The following TBX2 variants were observed in gnomAD, a reference collection of about 807,000 sequenced individuals.
TBX2 encodes the protein T-box transcription factor 2.
A neutral mutation model predicts 48.4 loss-of-function variants in TBX2; 19 were observed. The ratio of observed to expected loss-of-function variants is 0.39; its 90% CI spans 0.27 to 0.58. The LOEUF (loss-of-function observed/expected upper bound fraction) is 0.58, where lower values mean the gene tolerates loss of function less well. Among genes scored for constraint, TBX2 ranks in the 20% least tolerant of loss-of-function variants. TBX2 has a pLI of 0.54. For missense variants in TBX2, 994 were observed against 1,006.5 expected (o/e 0.99, Z 0.17); for synonymous variants, 522 against 459.7 (o/e 1.14, Z -1.73).
rs574923056 is a variant in TBX2, at chr17:61,403,635, G to C, written c.810+428G>C. On this transcript the variant is annotated intron_variant, in intron 3 of 6. Transcript: ENST00000240328. The surrounding 1 kb of genome is among the most constrained non-coding windows in gnomAD (Gnocchi z 5.8). Reference sequence around the variant, plus strand: ...GGCCCAGTTTTCACTCTCTCGGGGGGAGCCAGAGGGTGGGACAGGTGACAC... The same window carrying C: ...GGCCCAGTTTTCACTCTCTCGGGGGCAGCCAGAGGGTGGGACAGGTGACAC... Among the ~76,000 whole-genome samples the C allele has an allele frequency of 8.2e-6, 1 of 121,756 alleles. No individual in the cohort carries two copies. Among genetic ancestry groups the C allele is most frequent in the Non-Finnish European group, 1.8e-5 (1 of 54,636 alleles). 79.9% of individuals were successfully genotyped at this position (121,756 alleles called of 152,430 possible).
rs1040658313 is a variant in TBX2 at position 61,409,411 on chromosome 17, G to A, written c.*905G>A. On this transcript the variant is annotated 3_prime_UTR_variant, in exon 7 of 7. Coordinates refer to ENST00000240328, the MANE Select transcript of TBX2 (RefSeq NM_005994.4). Reference sequence around the variant, plus strand: ...ACCTCAGGTTTTCACTTTTCGCTCCGGAGCGAGAACGAAACGACAAAAACG... The same window carrying A: ...ACCTCAGGTTTTCACTTTTCGCTCCAGAGCGAGAACGAAACGACAAAAACG... 2.0e-5 allele frequency: 3 copies of A among 152,284 alleles called. No homozygotes were observed. The highest frequency in any genetic ancestry group is 6.5e-5 in the Admixed American group (1 of 15,304). The allele number at this position is 152,284 out of a possible 1,614,324, so 9.4% of individuals were successfully genotyped here. A position where few individuals can be genotyped will look rare whatever the true frequency, so the allele number is the denominator to read the frequency against.
At chr17:61,402,965 A>AGGGAGG in intron 2 of TBX2, 96 bp from the exon 3 acceptor site, 1 of 186,622 alleles carries the variant, frequency 5.4e-6, no homozygotes, top group South Asian at 6.5e-5. Context: ...AGAGAGAGAG[A>AGGGAGG]GAGAGAAAGT....
chr17:61,404,841 G>A (rs2060280999), intron 5 of TBX2, 72 bp downstream of exon 5: 1 of 1,523,546 alleles, frequency 6.6e-7, no homozygotes, highest in African/African-American at 1.4e-5. Flanking sequence ...CTGGTCTTTT[G>A]CTGAGCCACC....
At chr17:61,404,127 G>T (rs1225853253) in intron 3 of TBX2, among the ~76,000 whole-genome samples, 1 of 152,170 alleles carries the variant, frequency 6.6e-6, no homozygotes, top group East Asian at 1.9e-4. Flanking sequence ...GCGGGCGGGT[G>T]TGCATGCTTG....
At position 61,405,442 on chromosome 17, in the gene TBX2, G is replaced by A. The variant is rs2060284665; in HGVS notation, c.1292G>A (p.Arg431Lys). 1 of 1,566,524 alleles carries A rather than the reference G, an allele frequency of 6.4e-7. No individual in the cohort carries two copies. Among genetic ancestry groups the A allele is most frequent in the Non-Finnish European group, 8.6e-7 (1 of 1,159,988 alleles). Residue 431 changes from arginine (R) to lysine (K), a missense_variant, in exon 6 of 7, where the codon AGG becomes AAG. By Grantham distance (26) the Arg-to-Lys change is conservative (BLOSUM62 2). This residue lies in a region of TBX2 where 639 missense variants were observed against 613.2 expected (regional missense o/e 1.04). Transcript: ENST00000240328. ...SLEKERAEARRKDEGRKEAAE... is the reference protein window; with the variant it reads ...SLEKERAEARKKDEGRKEAAE... The stretch of plus-strand genomic sequence containing the variant: ...GAGAAGGAGCGCGCCGAAGCTCGGA[G>A]GAAGGACGAGGGGCGCAAGGAGGCG...
At position 61,405,114 on chromosome 17, in the gene TBX2, C is replaced by G. The variant is rs1216184305; in HGVS notation, c.1052-88C>G. On this transcript the variant is annotated intron_variant, in intron 5 of 6. Transcript: ENST00000240328. ...TCCAGCAGCTCCTCCGACTCGGCCT[C>G]CCCGAGAGCAGCCCTTCCCGAGTGT... 5 of 1,494,530 alleles carry G rather than the reference C, an allele frequency of 3.3e-6. No homozygotes were observed. In the South Asian group the frequency reaches 6.5e-5, roughly 19 times the overall value. The allele number at this position is 1,494,530 out of a possible 1,614,324, so 92.6% of individuals were successfully genotyped here.
intron 5 of TBX2, 192 bp from the exon 6 acceptor site, chr17:61,405,010 T>A: frequency 7.6e-7 from 1 of 1,319,994 alleles, no homozygotes; most frequent in Non-Finnish European, 1.1e-6. Flanking sequence ...GCTGTAGGGT[T>A]TCCTCTCCAG....
chr17:61,404,132 T>G (rs1002640655), intron 3 of TBX2, among the ~76,000 whole-genome samples: 3 of 151,732 alleles, frequency 2.0e-5, no homozygotes, highest in Non-Finnish European at 2.9e-5. Flanking sequence ...CGGGTGTGCA[T>G]GCTTGGGCTG....
rs762368697 is a variant in TBX2, at chr17:61,400,421, C to A, written c.245C>A (p.Pro82Gln). Residue 82 changes from proline (P) to glutamine (Q), a missense_variant, in exon 1 of 7, where the codon CCG becomes CAG. Transcript: ENST00000240328. This position sits in a 1 kb window ranked among gnomAD's most constrained non-coding sequence, Gnocchi z 9.2. ...EAGLHVSALG[P>Q]HPPAAHLRSL... ...GGGCTGCACGTCTCGGCACTGGGCC[C>A]GCACCCGCCCGCCGCGCATCTGCGC... The A allele has an allele frequency of 6.5e-7, 1 of 1,547,924 alleles. No individual in the cohort carries two copies. The highest frequency in any genetic ancestry group is 1.9e-5 in the Admixed American group (1 of 52,346).
chr17:61,408,233 C>A lies in TBX2; in HGVS notation c.1866C>A (p.Ser622Arg), dbSNP rs1279945164. The A allele has an allele frequency of 2.5e-6, 4 of 1,612,932 alleles. No individual in the cohort carries two copies. The East Asian group carries it at 6.7e-5, about 27-fold the overall frequency. ...LGSARPRLRF[S>R]PYQIPVTIPP... is the part of the protein sequence containing the mutation. ...GTGCCCGGCCCCGACTGCGTTTCAG[C>A]CCCTATCAGATCCCGGTCACCATCC... The change falls in exon 7 of 7, where the codon AGC (serine) becomes AGA (arginine). Residue 622 changes from serine to arginine, a missense_variant. This residue lies in a region of TBX2 where 639 missense variants were observed against 613.2 expected (regional missense o/e 1.04). Coordinates refer to ENST00000240328, the MANE Select transcript of TBX2 (RefSeq NM_005994.4).
chr17:61,400,716 G>A lies in TBX2; in HGVS notation c.395+145G>A, dbSNP rs1569014454. On this transcript the variant is annotated intron_variant, in intron 1 of 6. Transcript: ENST00000240328. The surrounding 1 kb of genome is among the most constrained non-coding windows in gnomAD (Gnocchi z 9.2). ...CCCTGACGCCACGCTTCGCTCCCAC[G>A]GACAACCAAGTTGACTTTTCTCGTT... is the stretch of plus-strand genomic sequence containing the variant. 1 of 849,580 alleles carries A rather than the reference G, an allele frequency of 1.2e-6. No individual in the cohort carries two copies. The highest frequency in any genetic ancestry group is 1.7e-6 in the Non-Finnish European group (1 of 571,658). The allele number at this position is 849,580 out of a possible 1,614,324, so 52.6% of individuals were successfully genotyped here.
chr17:61,400,603 G>A lies in TBX2; in HGVS notation c.395+32G>A. 6.8e-7 allele frequency: 1 copy of A among 1,461,250 alleles called. No homozygotes were observed. The highest frequency in any genetic ancestry group is 2.7e-5 in the East Asian group (1 of 37,116). The allele number at this position is 1,461,250 out of a possible 1,614,324, so 90.5% of individuals were successfully genotyped here. Reference sequence around the variant, plus strand: ...CTGCCGGCCGGCTGGAAGGCGCGCGGGCGGGCGGGCGGGCTGGGGCACGGG... The same window carrying A: ...CTGCCGGCCGGCTGGAAGGCGCGCGAGCGGGCGGGCGGGCTGGGGCACGGG... On this transcript the variant is annotated intron_variant, in intron 1 of 6. Transcript: ENST00000240328. This position sits in a 1 kb window ranked among gnomAD's most constrained non-coding sequence, Gnocchi z 9.2.
chr17:61,409,076 G>GA lies in TBX2; in HGVS notation c.*582dup, dbSNP rs34091020. On this transcript the variant is annotated 3_prime_UTR_variant, in exon 7 of 7. Coordinates refer to ENST00000240328, the MANE Select transcript of TBX2 (RefSeq NM_005994.4). ...GCACTTCTGCCTTGAGTCCCCAGGG[G>GA]AAAAAAAAAAAAGATATTTATGAAA... The GA allele has an allele frequency of 0.59, 86,794 of 148,116 alleles. 26,928 individuals carry two copies. The highest frequency in any genetic ancestry group is 0.72 in the Non-Finnish European group (48,149 of 66,932). The allele number at this position is 148,116 out of a possible 1,614,324, so 9.2% of individuals were successfully genotyped here.
In TBX2 at chr17:61,404,293, C is replaced by A. The variant is rs189963077; in HGVS notation, c.811-128C>A. The stretch of plus-strand genomic sequence containing the variant: ...TCAGCTCGGGGCGTCCCATCCCAGG[C>A]GGGTGGGTACCAAGTGGACGCTCCC... On this transcript the variant is annotated intron_variant, in intron 3 of 6. Transcript: ENST00000240328. The A allele has an allele frequency of 8.4e-5, 99 of 1,175,200 alleles. No homozygotes were observed. The South Asian group carries it at 1.0e-3, about 12-fold the overall frequency. The allele number at this position is 1,175,200 out of a possible 1,614,324, so 72.8% of individuals were successfully genotyped here.
At position 61,405,780 on chromosome 17, in the gene TBX2, G is replaced by A; in HGVS notation, c.1630G>A (p.Ala544Thr). The A allele has an allele frequency of 1.5e-6, 2 of 1,327,110 alleles. No individual in the cohort carries two copies. Among genetic ancestry groups the A allele is most frequent in the South Asian group, 2.2e-5 (1 of 44,544 alleles). The allele number at this position is 1,327,110 out of a possible 1,614,324, so 82.2% of individuals were successfully genotyped here. A position where few individuals can be genotyped will look rare whatever the true frequency, so the allele number is the denominator to read the frequency against. ...AGGLGPAASA[A>T]STAAPFPFHL... ...CGGGCTGGGTCCCGCGGCCAGCGCAGCAAGCACCGCCGCGCCCTTCCCGTT... is the reference window on the plus strand; with the variant it reads ...CGGGCTGGGTCCCGCGGCCAGCGCAACAAGCACCGCCGCGCCCTTCCCGTT... Residue 544 changes from alanine (A) to threonine (T), a missense_variant, in exon 6 of 7, where the codon GCA becomes ACA. Transcript: ENST00000240328.
At chr17:61,404,988 T>C (rs558655934) in intron 5 of TBX2, 2 of 1,257,440 alleles carry the variant, frequency 1.6e-6, no homozygotes, top group South Asian at 2.6e-5. Context: ...TTGGGCGCCG[T>C]GTAATTCTAT....
rs7215858 is a variant in TBX2 at position 61,406,752 on chromosome 17, G to T, written c.1686+916G>T. 2.1e-5 allele frequency: 3 copies of T among 144,260 alleles called. No individual in the cohort carries two copies. Among genetic ancestry groups the T allele is most frequent in the African/African-American group, 8.6e-5 (3 of 34,878 alleles). 8.9% of individuals were successfully genotyped at this position (144,260 alleles called of 1,614,324 possible). On this transcript the variant is annotated intron_variant, in intron 6 of 6. Coordinates refer to ENST00000240328, the MANE Select transcript of TBX2 (RefSeq NM_005994.4). The surrounding 1 kb of genome is among the most constrained non-coding windows in gnomAD (Gnocchi z 5.7). ...TGGGTTGGTGGGTGGGGGGGTGGGG[G>T]GTTGGGAGGCAGGCGATTCTGAAAT...
intron 2 of TBX2, 89 bp from the exon 3 acceptor site, chr17:61,402,972 A>AGAT: frequency 4.1e-6 from 3 of 734,888 alleles, no homozygotes; most frequent in Non-Finnish European, 5.3e-6. Context: ...GAGAGAGAGA[A>AGAT]AGTGGAGAGG....
chr17:61,404,480 C>T lies in TBX2; in HGVS notation c.870C>T (p.Asn290=), dbSNP rs1206112526. 6.2e-7 allele frequency: 1 copy of T among 1,611,926 alleles called. No individual in the cohort carries two copies. The highest frequency in any genetic ancestry group is 1.7e-5 in the Admixed American group (1 of 59,888). ...PFAKGFRDTG[N]GRREKRKQLT... The stretch of plus-strand genomic sequence containing the variant: ...CCAAGGGCTTCCGGGACACCGGGAA[C>T]GGCCGGCGGGAGAAAAGGTGAGAGG... The change falls in exon 4 of 7, where the codon AAC becomes AAT. Residue 290 remains asparagine (N), a synonymous_variant. Coordinates refer to ENST00000240328, the MANE Select transcript of TBX2 (RefSeq NM_005994.4).
Sources: gnomAD v4.1 joint callset for allele counts (sites outside exome capture counted in the v4.1 genomes callset) on GRCh38, gnomAD v4.1.1 for gene constraint, gnomAD v4.1.1 regional missense constraint, Gnocchi (gnomAD v3.1) non-coding constraint, MANE v1.5 for transcripts, NCBI Gene and HGNC (gene_info 2026-07-23, HGNC 2026-07-21) for gene names.